Variants in TMPRSS15 observed in about 807,000 individuals in gnomAD.
TMPRSS15 encodes transmembrane serine protease 15.
TMPRSS15 carries 128 observed loss-of-function variants against 125.3 expected under a neutral mutation model. The ratio of observed to expected loss-of-function variants is 1.02; its 90% confidence interval spans 0.89 to 1.18. The LOEUF is 1.18. TMPRSS15 is among the 50% of genes most tolerant of loss of function. TMPRSS15 has a pLI of 0.00. For missense variants in TMPRSS15, 1,283 were observed against 1,212.7 expected, an observed-to-expected ratio of 1.06 and a Z score of -0.86; for synonymous variants, 446 against 423.2, an observed-to-expected ratio of 1.05 and a Z score of -0.66.
chr21:18,397,419 T>C (rs1253870805), intron 3 of TMPRSS15, among the ~76,000 whole-genome samples: 2 of 152,214 alleles, frequency 1.3e-5, no homozygotes, highest in African/African-American at 4.8e-5. Flanking sequence ...ATTACATCAT[T>C]ACATTATTAA....
intron 1 of TMPRSS15, among the ~76,000 whole-genome samples, chr21:18,410,338 C>T (rs950793534): frequency 6.6e-6 from 1 of 151,974 alleles, no homozygotes; most frequent in Non-Finnish European, 1.5e-5. Flanking sequence ...GTGCTACATA[C>T]TATTCTCTAC....
At chr21:18,284,231 A>ACT (rs2074736664) in intron 21 of TMPRSS15, among the ~76,000 whole-genome samples, 1 of 152,146 alleles carries the variant, frequency 6.6e-6, no homozygotes, top group African/African-American at 2.4e-5. Context: ...TCCCCACCAC[A>ACT]AAACCAACAC....
intron 1 of TMPRSS15, among the ~76,000 whole-genome samples, chr21:18,439,320 A>C (rs2076235982): frequency 6.6e-6 from 1 of 152,174 alleles, no homozygotes; most frequent in African/African-American, 2.4e-5. Context: ...TAGCACAGAG[A>C]GTTTAAAAGA....
Position 18,341,514 on chromosome 21 carries a change from C to T in TMPRSS15, c.1463G>A (p.Ser488Asn). Residue 488 changes from serine to asparagine, a missense_variant, in exon 13 of 25, where the codon AGT becomes AAT. Physicochemically the swap from Ser to Asn is conservative, Grantham distance 46. Coordinates refer to ENST00000284885, the MANE Select transcript of TMPRSS15 (RefSeq NM_002772.3). Reference protein sequence around the residue: ...AFNAFKNKILSDIALDDISLT... With the variant: ...AFNAFKNKILNDIALDDISLT... Reference sequence around the variant, plus strand: ...GCTAATGTCATCCAACGCAATATCACTCAGGATCTTGTTTTTAAAAGCATT... The same window carrying T: ...GCTAATGTCATCCAACGCAATATCATTCAGGATCTTGTTTTTAAAAGCATT... The T allele has an allele frequency of 1.2e-6, 2 of 1,614,168 alleles. No individual in the cohort carries two copies. The highest frequency in any genetic ancestry group is 1.7e-6 in the Non-Finnish European group (2 of 1,180,006).
intron 1 of TMPRSS15, among the ~76,000 whole-genome samples, chr21:18,437,378 G>A (rs1365405555): frequency 6.6e-6 from 1 of 152,074 alleles, no homozygotes; most frequent in African/African-American, 2.4e-5. Flanking sequence ...AGCCCTAGAA[G>A]AAAACCTAGG....
intron 1 of TMPRSS15, among the ~76,000 whole-genome samples, chr21:18,484,391 G>C (rs1979038995): frequency 6.6e-6 from 1 of 151,728 alleles, no homozygotes; most frequent in African/African-American, 2.4e-5. Flanking sequence ...CAATATTTTT[G>C]CTAGGGTATT....
At position 18,297,792 on chromosome 21, in the gene TMPRSS15, C is replaced by G. The variant is rs1017081779; in HGVS notation, c.2203G>C (p.Gly735Arg). ...NSSKPIFPTD[G>R]GPFVKLNTAP... ...GTGTTTAATTTGACAAATGGTCCAC[C>G]ATCGGTAGGGAAGATTGGCTTTGAT... The change falls in exon 19 of 25, where the codon GGT becomes CGT. Residue 735 changes from glycine (G) to arginine (R), a missense_variant. Coordinates refer to ENST00000284885, the MANE Select transcript of TMPRSS15 (RefSeq NM_002772.3). 5 of 1,613,680 alleles carry G rather than the reference C, an allele frequency of 3.1e-6. No individual in the cohort carries two copies. The highest frequency in any genetic ancestry group is 1.7e-4 in the Middle Eastern group (1 of 6,056).
chr21:18,385,640 C>T (rs1407873089), intron 3 of TMPRSS15, among the ~76,000 whole-genome samples: 1 of 152,136 alleles, frequency 6.6e-6, no homozygotes, highest in Non-Finnish European at 1.5e-5. Flanking sequence ...CCAAAGATAG[C>T]GTAGCAGAAG....
intron 1 of TMPRSS15, among the ~76,000 whole-genome samples, chr21:18,480,484 A>C (rs942339589): frequency 1.3e-5 from 2 of 151,904 alleles, no homozygotes; most frequent in Admixed American, 1.3e-4. Context: ...GGCATGTACA[A>C]ACATATTTTT....
intron 21 of TMPRSS15, among the ~76,000 whole-genome samples, chr21:18,292,763 T>A (rs1439716753): frequency 6.6e-6 from 1 of 152,190 alleles, no homozygotes; most frequent in African/African-American, 2.4e-5. Context: ...GATACAGATG[T>A]TATGCTATCC....
chr21:18,301,311 G>C (rs2074969797), intron 18 of TMPRSS15, among the ~76,000 whole-genome samples: 1 of 152,068 alleles, frequency 6.6e-6, no homozygotes, highest in Admixed American at 6.5e-5. Flanking sequence ...TTATTTCTTT[G>C]TAAGCACAGT....
chr21:18,290,394 A>T (rs573581864), intron 21 of TMPRSS15, among the ~76,000 whole-genome samples: 2 of 152,286 alleles, frequency 1.3e-5, no homozygotes, highest in South Asian at 4.1e-4. Context: ...CAGGACTAGG[A>T]TAGAAAACAC....
intron 1 of TMPRSS15, among the ~76,000 whole-genome samples, chr21:18,412,027 G>C (rs1356283237): frequency 6.6e-6 from 1 of 152,048 alleles, no homozygotes; most frequent in Non-Finnish European, 1.5e-5. Context: ...AAAAATATCA[G>C]CATGTTCTTC....
rs772705117 is a variant in TMPRSS15, at chr21:18,353,763, A to G, written c.981T>C (p.Phe327=). 6.2e-7 allele frequency: 1 copy of G among 1,611,698 alleles called. No homozygotes were observed. The highest frequency in any genetic ancestry group is 2.2e-5 in the East Asian group (1 of 44,682). Residue 327 remains phenylalanine (F), a synonymous_variant, in exon 9 of 25, where the codon TTT becomes TTC. Transcript: ENST00000284885. The part of the protein sequence containing the change: ...IESDESDYVG[F]NATYTAFNSS... ...TGTTAAATGCAGTATATGTTGCATT[A>G]AAGCCAACATAATCACTTTCATCAG...
intron 1 of TMPRSS15, among the ~76,000 whole-genome samples, chr21:18,480,191 T>C (rs1978956999): frequency 6.6e-6 from 1 of 151,726 alleles, no homozygotes; most frequent in Non-Finnish European, 1.5e-5. Context: ...TGAATATTTC[T>C]TTCAAATATC....
chr21:18,409,998 T>C (rs1329058721), intron 1 of TMPRSS15, among the ~76,000 whole-genome samples: 1 of 150,358 alleles, frequency 6.7e-6, no homozygotes, highest in African/African-American at 2.5e-5. Context: ...TTTCTTTCCA[T>C]CTGGTTCATG....
intron 16 of TMPRSS15, among the ~76,000 whole-genome samples, chr21:18,320,812 A>T (rs921567909): frequency 1.3e-5 from 2 of 152,254 alleles, no homozygotes; most frequent in African/African-American, 2.4e-5. Context: ...GTTCAGCTTC[A>T]TTAAGCAGTC....
chr21:18,374,450 G>A (rs983600386), intron 5 of TMPRSS15, among the ~76,000 whole-genome samples: 120 of 135,888 alleles, frequency 8.8e-4, no homozygotes, highest in Non-Finnish European at 1.3e-3. Flanking sequence ...TCCGCAGTCC[G>A]GCCTGGGCGA....
At chr21:18,308,000 C>CG (rs1192760853) in intron 18 of TMPRSS15, among the ~76,000 whole-genome samples, 2 of 152,070 alleles carry the variant, frequency 1.3e-5, no homozygotes, top group Non-Finnish European at 2.9e-5. Flanking sequence ...CCCAGTCATC[C>CG]GGGGCACTTG....
Sources: gnomAD v4.1 joint callset for allele counts (sites outside exome capture counted in the v4.1 genomes callset) on GRCh38, gnomAD v4.1.1 for gene constraint, MANE v1.5 for transcripts, NCBI Gene and HGNC (gene_info 2026-07-23, HGNC 2026-07-21) for gene names.